The following CORO2A variants were observed in gnomAD, a reference collection of about 807,000 sequenced individuals.
CORO2A encodes the protein coronin 2A, also known as coronin-2A.
A neutral mutation model predicts 62.4 loss-of-function variants in CORO2A; 47 were observed. The observed-to-expected ratio is 0.75, with a 90% CI of 0.60 to 0.96. CORO2A has a LOEUF of 0.96. CORO2A is among the 40% of genes least tolerant of loss of function. The pLI is 0.00. For synonymous variants in CORO2A, 273 were observed against 268.9 expected (o/e 1.02, Z -0.15); for missense variants, 610 against 684.1 (o/e 0.89, Z 1.21).
Position 98,133,226 on chromosome 9 carries a change from C to T in CORO2A, c.469-9G>A. 6.2e-7 allele frequency: 1 copy of T among 1,613,914 alleles called. No individual in the cohort carries two copies. The highest frequency in any genetic ancestry group is 8.5e-7 in the Non-Finnish European group (1 of 1,179,818). ...AGGTTCCAGATCATCACCTGCATGG[C>T]AGAGAGCCAGCTCTGAGCACAGGGG... On this transcript the variant is annotated splice_polypyrimidine_tract_variant and intron_variant, in intron 4 of 11. Coordinates refer to ENST00000375077, the MANE Select transcript of CORO2A (RefSeq NM_052820.4).
intron 7 of CORO2A, 97 bp from the exon 8 acceptor site, chr9:98,129,987 TG>T: frequency 1.2e-6 from 1 of 866,452 alleles, no homozygotes; most frequent in Non-Finnish European, 1.9e-6. Context: ...TGGCTTTTTT[TG>T]ATGATCGGCA....
intron 1 of CORO2A, among the ~76,000 whole-genome samples, chr9:98,169,850 G>A (rs11791841): frequency 1.3e-5 from 2 of 152,162 alleles, no homozygotes; most frequent in African/African-American, 4.8e-5. Flanking sequence ...AGGGCTCTTA[G>A]AATGCCCCTT....
rs1257055912 is a variant in CORO2A at position 98,121,007 on chromosome 9, G to T, written c.*3767C>A. ...AAAATGGCCAGATGTTTATTATTTTGTTACATTATTTCCATTGCATATTCC... is the reference window on the plus strand; with the variant it reads ...AAAATGGCCAGATGTTTATTATTTTTTTACATTATTTCCATTGCATATTCC... On this transcript the variant is annotated 3_prime_UTR_variant, in exon 12 of 12. Coordinates refer to ENST00000375077, the MANE Select transcript of CORO2A (RefSeq NM_052820.4). 3 of 152,106 alleles carry T rather than the reference G, an allele frequency of 2.0e-5. 1 individual carries two copies. In the South Asian group the frequency reaches 6.2e-4, roughly 31 times the overall value. 9.4% of individuals were successfully genotyped at this position (152,106 alleles called of 1,614,324 possible). A position where few individuals can be genotyped will look rare whatever the true frequency, so the allele number is the denominator to read the frequency against.
intron 1 of CORO2A, among the ~76,000 whole-genome samples, chr9:98,182,741 T>A (rs1828193095): frequency 6.6e-6 from 1 of 152,196 alleles, no homozygotes; most frequent in African/African-American, 2.4e-5. Flanking sequence ...CTAGCTACAA[T>A]GCGATGGTGA....
At chr9:98,154,944 C>T (rs1459480906) in intron 2 of CORO2A, among the ~76,000 whole-genome samples, 1 of 152,162 alleles carries the variant, frequency 6.6e-6, no homozygotes, top group Non-Finnish European at 1.5e-5. Flanking sequence ...GTGAACACTG[C>T]GTGGTATAAA....
In CORO2A at chr9:98,128,333, G is replaced by A. The variant is rs1827357653; in HGVS notation, c.1081-73C>T. 4 of 1,236,038 alleles carry A rather than the reference G, an allele frequency of 3.2e-6. No homozygotes were observed. The Admixed American group carries it at 7.6e-5, about 24-fold the overall frequency. 76.6% of individuals were successfully genotyped at this position (1,236,038 alleles called of 1,614,324 possible). The stretch of plus-strand genomic sequence containing the variant: ...CAGATGGGAAAGGCCCTTAGACCTG[G>A]GAGTCCAGGCTCTCACCAACCCCTG... On this transcript the variant is annotated intron_variant, in intron 9 of 11. Coordinates refer to ENST00000375077, the MANE Select transcript of CORO2A (RefSeq NM_052820.4).
chr9:98,179,826 A>G (rs931508416), intron 1 of CORO2A, among the ~76,000 whole-genome samples: 14 of 152,106 alleles, frequency 9.2e-5, no homozygotes, highest in African/African-American at 3.4e-4. Flanking sequence ...AACATGGTGA[A>G]ACCCCGTCTC....
intron 4 of CORO2A, 69 bp from the exon 5 acceptor site, chr9:98,133,286 G>A: frequency 1.3e-6 from 2 of 1,495,136 alleles, no homozygotes; most frequent in Non-Finnish European, 1.8e-6. Context: ...TTACATGCTG[G>A]CCAGGATGCA....
chr9:98,145,229 A>AT (rs1331431927), intron 2 of CORO2A, among the ~76,000 whole-genome samples: 1 of 152,070 alleles, frequency 6.6e-6, no homozygotes, highest in Admixed American at 6.6e-5. Context: ...GAGGTAATTC[A>AT]TCCTACTTTC....
At chr9:98,158,770 A>C (rs545066660) in intron 1 of CORO2A, among the ~76,000 whole-genome samples, 1 of 152,144 alleles carries the variant, frequency 6.6e-6, no homozygotes, top group Non-Finnish European at 1.5e-5. Context: ...TCTTAGGCAG[A>C]TAGAACAGTT....
chr9:98,173,356 G>A (rs1280694183), intron 1 of CORO2A, among the ~76,000 whole-genome samples: 3 of 152,300 alleles, frequency 2.0e-5, no homozygotes, highest in Middle Eastern at 6.8e-3. Flanking sequence ...CCATCTGGGG[G>A]CGCGGAGGAT....
At chr9:98,126,200 T>C (rs1208766040) in intron 11 of CORO2A, among the ~76,000 whole-genome samples, 1 of 151,938 alleles carries the variant, frequency 6.6e-6, no homozygotes, top group African/African-American at 2.4e-5. Context: ...CACACCCGGC[T>C]AATTTTTGTA....
intron 2 of CORO2A, among the ~76,000 whole-genome samples, chr9:98,150,799 T>C (rs1047020711): frequency 6.6e-6 from 1 of 152,252 alleles, no homozygotes. Flanking sequence ...CGGCCATCTA[T>C]AGGGGGTCCT....
intron 8 of CORO2A, among the ~76,000 whole-genome samples, chr9:98,129,538 T>C (rs1361253159): frequency 6.6e-6 from 1 of 152,222 alleles, no homozygotes; most frequent in African/African-American, 2.4e-5. Context: ...CTCTCTCCCC[T>C]GCTGGGCTCT....
intron 1 of CORO2A, among the ~76,000 whole-genome samples, chr9:98,166,356 T>G (rs1289810007): frequency 1.3e-5 from 2 of 151,958 alleles, no homozygotes; most frequent in African/African-American, 4.8e-5. Flanking sequence ...AGAAAAAAAA[T>G]AGACAAATTG....
intron 2 of CORO2A, among the ~76,000 whole-genome samples, chr9:98,148,616 C>T (rs947877723): frequency 1.3e-5 from 2 of 151,438 alleles, no homozygotes; most frequent in Non-Finnish European, 2.9e-5. Context: ...TGATGGCATG[C>T]ACCTGTAGTC....
rs188782809 is a variant in CORO2A at position 98,132,077 on chromosome 9, C to T, written c.765+108G>A. 441 of 892,760 alleles carry T rather than the reference C, an allele frequency of 4.9e-4. 3 individuals are homozygous for T. Among genetic ancestry groups the T allele is most frequent in the South Asian group, 1.5e-3 (101 of 69,376 alleles). The allele number at this position is 892,760 out of a possible 1,614,324, so 55.3% of individuals were successfully genotyped here. A position where few individuals can be genotyped will look rare whatever the true frequency, so the allele number is the denominator to read the frequency against. On this transcript the variant is annotated intron_variant, in intron 6 of 11. Coordinates refer to ENST00000375077, the MANE Select transcript of CORO2A (RefSeq NM_052820.4). ...CGGATCCCCAGCACCTGGCAGTCTA[C>T]GCTAAATGTGTGTGTCATAAATGGG...
At chr9:98,180,810 G>A (rs533747548) in intron 1 of CORO2A, among the ~76,000 whole-genome samples, 2 of 152,078 alleles carry the variant, frequency 1.3e-5, no homozygotes, top group African/African-American at 4.8e-5. Context: ...GGCCCTGGAA[G>A]CCACAACCAG....
chr9:98,187,261 C>T (rs985175442), intron 1 of CORO2A, among the ~76,000 whole-genome samples: 5 of 128,170 alleles, frequency 3.9e-5, no homozygotes, highest in South Asian at 2.5e-4. Flanking sequence ...CCACCCTGGG[C>T]GACAGAGCAA....
Sources: gnomAD v4.1 joint callset for allele counts (sites outside exome capture counted in the v4.1 genomes callset) on GRCh38, gnomAD v4.1.1 for gene constraint, MANE v1.5 for transcripts, NCBI Gene and HGNC (gene_info 2026-07-23, HGNC 2026-07-21) for gene names.